The following CELSR1 variants were observed in gnomAD, a reference collection of about 807,000 sequenced individuals.
The protein encoded by CELSR1 is adhesion G protein-coupled receptor C1.
A neutral mutation model predicts 249.1 loss-of-function variants in CELSR1; 110 were observed. That is an observed-to-expected ratio of 0.44 (90% CI 0.38 to 0.52). CELSR1 has a LOEUF of 0.52. Among genes scored for constraint, CELSR1 ranks in the 20% least tolerant of loss-of-function variants. The pLI is 0.00. For synonymous variants in CELSR1, 2,113 were observed against 1,900.0 expected (o/e 1.11, Z -2.92); for missense variants, 4,109 against 4,296.4 (o/e 0.96, Z 1.22).
intron 1 of CELSR1, among the ~76,000 whole-genome samples, chr22:46,467,351 C>G (rs1299810449): frequency 2.0e-5 from 3 of 152,148 alleles, no homozygotes; most frequent in Non-Finnish European, 1.5e-5. Flanking sequence ...GGTCCATCAG[C>G]TGGGAAATGC....
Position 46,374,578 on chromosome 22 carries a change from G to A in CELSR1, c.7585-1521C>T, listed in dbSNP as rs994266413. On this transcript the variant is annotated intron_variant, in intron 24 of 34. Coordinates refer to ENST00000674500, the MANE Select transcript of CELSR1 (RefSeq NM_001378328.1). The surrounding 1 kb of genome is among the most constrained non-coding windows in gnomAD (Gnocchi z 4.3). ...TTTCCTTCTCCATGCTCAGCCGTGCGTGGCTGCCGGGACAGCGCTCACTCC... is the reference window on the plus strand; with the variant it reads ...TTTCCTTCTCCATGCTCAGCCGTGCATGGCTGCCGGGACAGCGCTCACTCC... Among the ~76,000 whole-genome samples the A allele has an allele frequency of 6.6e-6, 1 of 152,098 alleles. No homozygotes were observed. The highest frequency in any genetic ancestry group is 1.9e-4 in the East Asian group (1 of 5,180).
chr22:46,536,905 T>A lies in CELSR1; in HGVS notation c.266A>T (p.Gln89Leu). ...GGCACTGCGGGCCACCAAGCGGACT[T>A]GCAGCGGCAGCGGGCGCCCCGCGCC... ...VSGAGRPLPL[Q>L]VRLVARSAPT... is the part of the protein sequence containing the mutation. The change falls in exon 1 of 35, where the codon CAA becomes CTA. Residue 89 changes from glutamine to leucine, a missense_variant. Coordinates refer to ENST00000674500, the MANE Select transcript of CELSR1 (RefSeq NM_001378328.1). The A allele has an allele frequency of 8.3e-7, 1 of 1,200,194 alleles. No homozygotes were observed. The highest frequency in any genetic ancestry group is 1.0e-6 in the Non-Finnish European group (1 of 965,606). The allele number at this position is 1,200,194 out of a possible 1,614,324, so 74.3% of individuals were successfully genotyped here.
At chr22:46,458,181 C>T (rs2079979255) in intron 2 of CELSR1, among the ~76,000 whole-genome samples, 1 of 152,084 alleles carries the variant, frequency 6.6e-6, no homozygotes, top group South Asian at 2.1e-4. Flanking sequence ...GCAAGCACCA[C>T]GGTGAGAGAG....
Position 46,530,270 on chromosome 22 carries a change from TAC to T in CELSR1, c.3544+3355_3544+3356del, listed in dbSNP as rs557384645. 7.9e-5 allele frequency: 12 copies of T among 151,154 alleles called. No homozygotes were observed. In the South Asian group the frequency reaches 1.1e-3, roughly 14 times the overall value. 9.4% of individuals were successfully genotyped at this position (151,154 alleles called of 1,614,324 possible). A position where few individuals can be genotyped will look rare whatever the true frequency, so the allele number is the denominator to read the frequency against. On this transcript the variant is annotated intron_variant, in intron 1 of 34. Transcript: ENST00000674500. ...GGCAAGAGAGCAAGACCCTGTCTCA[TAC>T]ACACACACACACATATATATATACA... is the stretch of plus-strand genomic sequence containing the variant.
Position 46,500,932 on chromosome 22 carries a change from G to A in CELSR1, c.3544+32695C>T, listed in dbSNP as rs546639056. Among the ~76,000 whole-genome samples, 20 of 152,204 alleles carry A rather than the reference G, an allele frequency of 1.3e-4. No homozygotes were observed. Among genetic ancestry groups the A allele is most frequent in the Non-Finnish European group, 2.8e-4 (19 of 68,014 alleles). ...TTACATGCCAAGTGCTGAGAACCCTGTTTCTAACACCCCTCCAGAGACCCA... is the reference window on the plus strand; with the variant it reads ...TTACATGCCAAGTGCTGAGAACCCTATTTCTAACACCCCTCCAGAGACCCA... On this transcript the variant is annotated intron_variant, in intron 1 of 34. Coordinates refer to ENST00000674500, the MANE Select transcript of CELSR1 (RefSeq NM_001378328.1). This position sits in a 1 kb window ranked among gnomAD's most constrained non-coding sequence, Gnocchi z 4.9.
intron 1 of CELSR1, among the ~76,000 whole-genome samples, chr22:46,510,969 G>A (rs1374982103): frequency 2.0e-5 from 3 of 152,054 alleles, no homozygotes; most frequent in Admixed American, 1.3e-4. Flanking sequence ...AGAAAAATTC[G>A]CTGGGCATGG....
At position 46,440,409 on chromosome 22, in the gene CELSR1, C is replaced by T. The variant is rs989355335; in HGVS notation, c.4184-998G>A. 3.3e-5 allele frequency among the ~76,000 whole-genome samples: 5 copies of T among 152,304 alleles called. No homozygotes were observed. The highest frequency in any genetic ancestry group is 7.4e-5 in the Non-Finnish European group (5 of 68,018). On this transcript the variant is annotated intron_variant, in intron 2 of 34. Coordinates refer to ENST00000674500, the MANE Select transcript of CELSR1 (RefSeq NM_001378328.1). This position sits in a 1 kb window ranked among gnomAD's most constrained non-coding sequence, Gnocchi z 4.7. ...AGAGACGGGGATTCACCGTGTTAGC[C>T]AGGATGGTCTCCATCTCCTAACCTC...
In CELSR1 at chr22:46,422,624, G is replaced by A. The variant is rs1241056226; in HGVS notation, c.4611+10769C>T. The stretch of plus-strand genomic sequence containing the variant: ...ATAAATAAATAAATAAAAATTAGCC[G>A]GGCATGGTGGTGGGCGCCTGTAGTC... On this transcript the variant is annotated intron_variant, in intron 5 of 34. Transcript: ENST00000674500. Among the ~76,000 whole-genome samples the A allele has an allele frequency of 5.3e-5, 8 of 150,710 alleles. No homozygotes were observed. The South Asian group carries it at 8.4e-4, about 16-fold the overall frequency.
In CELSR1 at chr22:46,380,510, T is replaced by C. The variant is rs931711128; in HGVS notation, c.7256+278A>G. Among the ~76,000 whole-genome samples, 4 of 152,238 alleles carry C rather than the reference T, an allele frequency of 2.6e-5. No individual in the cohort carries two copies. The highest frequency in any genetic ancestry group is 9.6e-5 in the African/African-American group (4 of 41,462). ...GGAGTCCCGCAGGTGAGGGGTCCCC[T>C]TCCTGGGTGTCAGCCTTGAGGGATC... On this transcript the variant is annotated intron_variant, in intron 22 of 34. Transcript: ENST00000674500. The surrounding 1 kb of genome is among the most constrained non-coding windows in gnomAD (Gnocchi z 5.1).
chr22:46,433,374 G>C lies in CELSR1; in HGVS notation c.4611+19C>G. ...CGAGCCGCCCTGGGGCCAGGGGGAA[G>C]TGGTGGGGCCCATCTTACCTTGTTG... On this transcript the variant is annotated intron_variant, in intron 5 of 34. Coordinates refer to ENST00000674500, the MANE Select transcript of CELSR1 (RefSeq NM_001378328.1). The surrounding 1 kb of genome is among the most constrained non-coding windows in gnomAD (Gnocchi z 5.7). 1 of 1,605,136 alleles carries C rather than the reference G, an allele frequency of 6.2e-7. No homozygotes were observed. The highest frequency in any genetic ancestry group is 1.1e-5 in the South Asian group (1 of 90,692).
intron 1 of CELSR1, among the ~76,000 whole-genome samples, chr22:46,497,259 GTTTTA>G (rs994067557): frequency 5.3e-5 from 8 of 152,190 alleles, no homozygotes; most frequent in Non-Finnish European, 8.8e-5. Flanking sequence ...TTATTTGCAT[GTTTTA>G]TTTTATTTTC....
At chr22:46,459,037 CGTGT>C (rs1175266661) in intron 2 of CELSR1, among the ~76,000 whole-genome samples, 2 of 151,046 alleles carry the variant, frequency 1.3e-5, no homozygotes, top group East Asian at 3.9e-4. Flanking sequence ...GGACTACAGG[CGTGT>C]GCCACCACAC....
rs749866727 is a variant in CELSR1, at chr22:46,535,543, G to C, written c.1628C>G (p.Pro543Arg). 5 of 1,613,130 alleles carry C rather than the reference G, an allele frequency of 3.1e-6. No individual in the cohort carries two copies. Among genetic ancestry groups the C allele is most frequent in the Non-Finnish European group, 4.2e-6 (5 of 1,180,012 alleles). The stretch of plus-strand genomic sequence containing the variant: ...CACCACCCCTGAAGAATTGATGAGC[G>C]GGGGCCGGCCCCCATCCTGGGCCTT... ...SIKAQDGGRP[P>R]LINSSGVVSV... is the part of the protein sequence containing the mutation. The change falls in exon 1 of 35, where the codon CCG (proline) becomes CGG (arginine). Residue 543 changes from proline to arginine, a missense_variant. Physicochemically the swap from Pro to Arg is moderately radical, Grantham distance 103 (BLOSUM62 -2). This residue lies in a region of CELSR1 where 135 missense variants were observed against 190.0 expected (regional missense o/e 0.71). Coordinates refer to ENST00000674500, the MANE Select transcript of CELSR1 (RefSeq NM_001378328.1).
Position 46,485,473 on chromosome 22 carries a change from A to G in CELSR1, c.3545-21128T>C, listed in dbSNP as rs1053410530. ...CTCAAAGCTCCGTTTGGACGGGAGG[A>G]GGCCCATGTGCCTGGGAGGCTGCAT... On this transcript the variant is annotated intron_variant, in intron 1 of 34. Coordinates refer to ENST00000674500, the MANE Select transcript of CELSR1 (RefSeq NM_001378328.1). Among the ~76,000 whole-genome samples, 4 of 152,196 alleles carry G rather than the reference A, an allele frequency of 2.6e-5. No homozygotes were observed. The East Asian group carries it at 7.7e-4, about 29-fold the overall frequency.
At chr22:46,416,010 G>A (rs1400727248) in intron 5 of CELSR1, among the ~76,000 whole-genome samples, 4 of 152,108 alleles carry the variant, frequency 2.6e-5, no homozygotes, top group East Asian at 3.8e-4. Flanking sequence ...GCTCCCGACT[G>A]TGGGGTGGCG....
chr22:46,442,184 A>G (rs2079758665), intron 2 of CELSR1, among the ~76,000 whole-genome samples: 1 of 152,250 alleles, frequency 6.6e-6, no homozygotes, highest in South Asian at 2.1e-4. Context: ...ATCAGGTGCT[A>G]TCAAGGGTAG....
intron 1 of CELSR1, among the ~76,000 whole-genome samples, chr22:46,513,212 G>T (rs773605489): frequency 4.6e-5 from 7 of 152,178 alleles, no homozygotes; most frequent in Non-Finnish European, 8.8e-5. Flanking sequence ...ACACATGAAG[G>T]AAACACTCAA....
rs1426511102 is a variant in CELSR1, at chr22:46,417,912, C to G, written c.4612-6153G>C. 2.6e-5 allele frequency among the ~76,000 whole-genome samples: 4 copies of G among 152,202 alleles called. No homozygotes were observed. The highest frequency in any genetic ancestry group is 9.7e-5 in the African/African-American group (4 of 41,446). ...GGGGGGCTCACAGGACAGCAGTGTCCACAGCATCCAATGGACATCACCTCC... is the reference window on the plus strand; with the variant it reads ...GGGGGGCTCACAGGACAGCAGTGTCGACAGCATCCAATGGACATCACCTCC... On this transcript the variant is annotated intron_variant, in intron 5 of 34. Transcript: ENST00000674500. This position sits in a 1 kb window ranked among gnomAD's most constrained non-coding sequence, Gnocchi z 4.1.
chr22:46,468,188 C>T lies in CELSR1; in HGVS notation c.3545-3843G>A, dbSNP rs2080117804. Among the ~76,000 whole-genome samples, 1 of 151,886 alleles carries T rather than the reference C, an allele frequency of 6.6e-6. No homozygotes were observed. ...GGATCACGACGTCAGGAGTTCAAGA[C>T]CAGCCTGGGCGACCTGGTGAAACCA... On this transcript the variant is annotated intron_variant, in intron 1 of 34. Transcript: ENST00000674500. This position sits in a 1 kb window ranked among gnomAD's most constrained non-coding sequence, Gnocchi z 4.5.
Sources: allele counts gnomAD v4.1 joint callset (sites outside exome capture counted in the v4.1 genomes callset), GRCh38; gene constraint gnomAD v4.1.1; regional missense constraint gnomAD v4.1.1; non-coding constraint Gnocchi (gnomAD v3.1); transcripts MANE v1.5; gene names NCBI Gene and HGNC (gene_info 2026-07-23, HGNC 2026-07-21).